PEMT: variants seen among roughly 807,000 people sequenced by gnomAD.
PEMT encodes phosphatidylethanolamine N-methyltransferase.
PEMT carries 23 observed loss-of-function variants against 27.4 expected under a neutral mutation model. The ratio of observed to expected loss-of-function variants is 0.84; its 90% CI spans 0.60 to 1.19. The LOEUF (loss-of-function observed/expected upper bound fraction) is 1.19. Among genes scored for constraint, PEMT ranks in the 50% most tolerant of loss-of-function variants. The pLI, the probability that PEMT is intolerant of heterozygous loss-of-function variation, is 0.00. For synonymous variants in PEMT, 137 were observed against 139.1 expected, an observed-to-expected ratio of 0.98 and a Z score of 0.11; for missense variants, 307 against 310.1, an observed-to-expected ratio of 0.99 and a Z score of 0.07.
chr17:17,543,332 A>G (rs1909023201), intron 2 of PEMT, among the ~76,000 whole-genome samples: 1 of 152,224 alleles, frequency 6.6e-6, no homozygotes, highest in South Asian at 2.1e-4. Flanking sequence ...ATCCTGCAGA[A>G]GTCTCAACAG....
intron 1 of PEMT, among the ~76,000 whole-genome samples, chr17:17,589,406 C>T (rs1912486612): frequency 1.3e-5 from 2 of 152,204 alleles, no homozygotes; most frequent in South Asian, 4.1e-4. Flanking sequence ...TGGTCACAGG[C>T]AGTGCCACAA....
chr17:17,548,224 G>A (rs1193569667), intron 2 of PEMT, among the ~76,000 whole-genome samples: 1 of 152,256 alleles, frequency 6.6e-6, no homozygotes, highest in Non-Finnish European at 1.5e-5. Context: ...CAGCCCTGCT[G>A]GCGTCCAGCC....
At chr17:17,574,991 T>G (rs1487744355) in intron 2 of PEMT, among the ~76,000 whole-genome samples, 1 of 152,174 alleles carries the variant, frequency 6.6e-6, no homozygotes, top group South Asian at 2.1e-4. Context: ...GTCTTTGGCT[T>G]TTTAAATACC....
Position 17,591,588 on chromosome 17 carries a change from G to A in PEMT, c.39C>T (p.Asn13=), listed in dbSNP as rs2142773493. The change falls in exon 1 of 7, where the codon AAC becomes AAT. Residue 13 remains asparagine, a synonymous_variant. Transcript: ENST00000255389. ...RSGNPGAEVT[N]SSVAGPDCCG... is the part of the protein sequence containing the mutation. ...AGCAGTCAGGCCCTGCCACCGAGCT[G>A]TTCGTTACCTCGGCTCCCGGGTTCC... 1 of 1,613,716 alleles carries A rather than the reference G, an allele frequency of 6.2e-7. No homozygotes were observed. Among genetic ancestry groups the A allele is most frequent in the Non-Finnish European group, 8.5e-7 (1 of 1,179,814 alleles).
At position 17,591,699 on chromosome 17, in the gene PEMT, C is replaced by G. The variant is rs1912601073; in HGVS notation, c.-73G>C. 6 of 1,532,158 alleles carry G rather than the reference C, an allele frequency of 3.9e-6. No homozygotes were observed. The African/African-American group carries it at 8.3e-5, about 21-fold the overall frequency. 94.9% of individuals were successfully genotyped at this position (1,532,158 alleles called of 1,614,324 possible). On this transcript the variant is annotated 5_prime_UTR_variant, in exon 1 of 7. Coordinates refer to ENST00000255389, the MANE Select transcript of PEMT (RefSeq NM_148172.3). ...CGCCCCCGGAACCGGACCTATAGAG[C>G]CGGGTAAGTGCCGCCAGTCGGGGCG... is the stretch of plus-strand genomic sequence containing the variant.
intron 2 of PEMT, among the ~76,000 whole-genome samples, chr17:17,562,764 G>C (rs544886909): frequency 1.3e-5 from 2 of 151,798 alleles, no homozygotes; most frequent in Non-Finnish European, 2.9e-5. Flanking sequence ...AGTGGAGATC[G>C]CACCACTGCA....
Position 17,578,047 on chromosome 17 carries a change from C to T in PEMT, c.97-1020G>A, listed in dbSNP as rs138244453. 8.9e-3 allele frequency among the ~76,000 whole-genome samples: 1,329 copies of T among 149,922 alleles called. 11 individuals are homozygous for T. The highest frequency in any genetic ancestry group is 0.015 in the Admixed American group (230 of 15,010). On this transcript the variant is annotated intron_variant, in intron 1 of 6. Transcript: ENST00000255389. The stretch of plus-strand genomic sequence containing the variant: ...AAAAAAAAAAAAAGCACGAGGTCTA[C>T]ACACAGCACTGTGAAACGTTCTGAA...
chr17:17,541,386 G>C (rs1048859214), intron 2 of PEMT, among the ~76,000 whole-genome samples: 5 of 152,222 alleles, frequency 3.3e-5, no homozygotes, highest in Admixed American at 1.3e-4. Flanking sequence ...CACCAAACAG[G>C]AAGCAGGGAG....
chr17:17,507,138 A>G (rs572755867), intron 5 of PEMT: 5 of 1,554,398 alleles, frequency 3.2e-6, no homozygotes, highest in South Asian at 1.2e-5. Context: ...AGCTGCCGTC[A>G]AGCTGTCCCC....
intron 2 of PEMT, among the ~76,000 whole-genome samples, chr17:17,534,870 G>C (rs983238522): frequency 5.9e-5 from 9 of 151,904 alleles, no homozygotes; most frequent in African/African-American, 2.2e-4. Flanking sequence ...GCACTTTGTT[G>C]TAAGTTGGTT....
At chr17:17,567,150 C>T (rs1910879961) in intron 2 of PEMT, among the ~76,000 whole-genome samples, 1 of 152,230 alleles carries the variant, frequency 6.6e-6, no homozygotes, top group Non-Finnish European at 1.5e-5. Flanking sequence ...GAGGGATGGG[C>T]CGGCTCAGTG....
chr17:17,577,746 G>A (rs987498084), intron 1 of PEMT, among the ~76,000 whole-genome samples: 9 of 151,808 alleles, frequency 5.9e-5, no homozygotes, highest in African/African-American at 2.2e-4. Flanking sequence ...GGCCGGGCGC[G>A]GTGGCTCATG....
chr17:17,577,178 A>G (rs757255242), intron 1 of PEMT, 151 bp from the exon 2 acceptor site: 27 of 638,066 alleles, frequency 4.2e-5, no homozygotes, highest in Non-Finnish European at 4.1e-5. Context: ...AGTCTCATAA[A>G]AGGGAAGATA....
chr17:17,515,586 C>T (rs1205381736), intron 3 of PEMT, among the ~76,000 whole-genome samples: 1 of 152,166 alleles, frequency 6.6e-6, no homozygotes, highest in Non-Finnish European at 1.5e-5. Flanking sequence ...ACCAAGTGGC[C>T]CCTTACCCAG....
At chr17:17,527,975 C>T (rs1240702216) in intron 2 of PEMT, among the ~76,000 whole-genome samples, 1 of 152,210 alleles carries the variant, frequency 6.6e-6, no homozygotes, top group African/African-American at 2.4e-5. Flanking sequence ...AGGACCCCCC[C>T]ACCACCTGGC....
chr17:17,515,669 C>A (rs1010190625), intron 3 of PEMT, among the ~76,000 whole-genome samples: 1 of 152,182 alleles, frequency 6.6e-6, no homozygotes, highest in South Asian at 2.1e-4. Flanking sequence ...CGACAGTGTT[C>A]TAGCTCCTCC....
intron 1 of PEMT, among the ~76,000 whole-genome samples, chr17:17,580,950 C>T (rs536902536): frequency 6.6e-6 from 1 of 152,168 alleles, no homozygotes; most frequent in African/African-American, 2.4e-5. Context: ...TGCTGTTAGC[C>T]AAGCCAAAGA....
chr17:17,527,733 GA>G (rs1465385577), intron 2 of PEMT, among the ~76,000 whole-genome samples: 1 of 152,224 alleles, frequency 6.6e-6, no homozygotes, highest in African/African-American at 2.4e-5. Context: ...CTATTGGCCT[GA>G]CAGGCCCCGG....
At chr17:17,575,509 G>A (rs929870829) in intron 2 of PEMT, among the ~76,000 whole-genome samples, 1 of 152,230 alleles carries the variant, frequency 6.6e-6, no homozygotes, top group East Asian at 1.9e-4. Context: ...GGTGAAAGGA[G>A]AGAGGAAGCA....
Sources: allele counts gnomAD v4.1 joint callset (sites outside exome capture counted in the v4.1 genomes callset), GRCh38; gene constraint gnomAD v4.1.1; transcripts MANE v1.5; gene names NCBI Gene and HGNC (gene_info 2026-07-23, HGNC 2026-07-21).